MAD1L1: variants seen among roughly 807,000 people sequenced by gnomAD.
MAD1L1 encodes mitotic arrest deficient 1 like 1.
A neutral mutation model predicts 96.9 loss-of-function variants in MAD1L1; 95 were observed. The ratio of observed to expected loss-of-function variants is 0.98; its 90% confidence interval spans 0.83 to 1.16. The LOEUF (loss-of-function observed/expected upper bound fraction) is 1.16, where lower values mean the gene tolerates loss of function less well. Among genes scored for constraint, MAD1L1 ranks in the 50% most tolerant of loss-of-function variants. MAD1L1 has a pLI of 0.00. For synonymous variants in MAD1L1, 473 were observed against 396.6 expected, an observed-to-expected ratio of 1.19 and a Z score of -2.29; for missense variants, 1,007 against 954.4, an observed-to-expected ratio of 1.06 and a Z score of -0.73.
intron 17 of MAD1L1, among the ~76,000 whole-genome samples, chr7:1,912,949 T>C (rs1444791020): frequency 6.6e-6 from 1 of 152,002 alleles, no homozygotes; most frequent in Non-Finnish European, 1.5e-5. Context: ...GCCGCGTTCA[T>C]GATTAATTTC....
chr7:2,021,901 C>T (rs1782804205), intron 12 of MAD1L1, among the ~76,000 whole-genome samples: 1 of 152,106 alleles, frequency 6.6e-6, no homozygotes, highest in South Asian at 2.1e-4. Context: ...AAACTCAGAT[C>T]TATGTGGAAA....
At chr7:1,827,396 C>T (rs930275765) in intron 18 of MAD1L1, among the ~76,000 whole-genome samples, 1 of 152,154 alleles carries the variant, frequency 6.6e-6, no homozygotes, top group African/African-American at 2.4e-5. Flanking sequence ...CTCCCTGAGC[C>T]CCGCCCAGGT....
intron 11 of MAD1L1, among the ~76,000 whole-genome samples, chr7:2,115,336 C>A (rs1787616329): frequency 7.9e-6 from 1 of 126,278 alleles, no homozygotes; most frequent in Non-Finnish European, 1.6e-5. Context: ...CCACGTGTTC[C>A]GGGGTCAGAG....
chr7:2,087,059 A>G (rs932531502), intron 11 of MAD1L1, among the ~76,000 whole-genome samples: 1 of 152,200 alleles, frequency 6.6e-6, no homozygotes, highest in Admixed American at 6.5e-5. Flanking sequence ...ACCTCATGGA[A>G]GCTCTTCTCT....
chr7:2,212,909 A>G (rs1345306041), intron 10 of MAD1L1, among the ~76,000 whole-genome samples: 3 of 152,244 alleles, frequency 2.0e-5, no homozygotes, highest in African/African-American at 7.2e-5. Flanking sequence ...GTATACACCA[A>G]AAAGAGTCCT....
intron 11 of MAD1L1, among the ~76,000 whole-genome samples, chr7:2,113,536 C>T (rs578227933): frequency 2.0e-5 from 3 of 152,276 alleles, no homozygotes; most frequent in African/African-American, 7.2e-5. Context: ...GCCAAGATTA[C>T]ACCACTGCAC....
At chr7:2,070,632 C>A (rs919923827) in intron 11 of MAD1L1, among the ~76,000 whole-genome samples, 1 of 152,252 alleles carries the variant, frequency 6.6e-6, no homozygotes, top group African/African-American at 2.4e-5. Flanking sequence ...GAGCTGCACA[C>A]GACTCTATTG....
At chr7:1,824,774 C>G (rs1328245286) in intron 18 of MAD1L1, among the ~76,000 whole-genome samples, 1 of 152,048 alleles carries the variant, frequency 6.6e-6, no homozygotes, top group African/African-American at 2.4e-5. Flanking sequence ...TTGAGGCTGT[C>G]AGGAAATCAA....
rs751590254 is a variant in MAD1L1, at chr7:2,217,980, G to C, written c.660C>G (p.Asp220Glu). 3.7e-6 allele frequency: 6 copies of C among 1,613,868 alleles called. No individual in the cohort carries two copies. The highest frequency in any genetic ancestry group is 5.1e-6 in the Non-Finnish European group (6 of 1,179,862). ...GACTCACCTTAATCTGCTGCTCGTGGTCTGCTCTTGCTTCTTGGCTGGCCT... is the reference window on the plus strand; with the variant it reads ...GACTCACCTTAATCTGCTGCTCGTGCTCTGCTCTTGCTTCTTGGCTGGCCT... Reference protein sequence around the residue: ...ELQASQEARADHEQQIKDLEQ... With the variant: ...ELQASQEARAEHEQQIKDLEQ... The change falls in exon 7 of 19, where the codon GAC (aspartate) becomes GAG (glutamate). Residue 220 changes from aspartate to glutamate, a missense_variant. Coordinates refer to ENST00000265854, the MANE Select transcript of MAD1L1 (RefSeq NM_001013836.2).
In MAD1L1 at chr7:1,974,616, G is replaced by C. The variant is rs141898393; in HGVS notation, c.1505+5837C>G. ...AATACAGAAGGTAGGACAAAAATAA[G>C]GAAAATAGGATCAAAAAGATTTAAG... On this transcript the variant is annotated intron_variant, in intron 15 of 18. Transcript: ENST00000265854. 7.2e-4 allele frequency among the ~76,000 whole-genome samples: 109 copies of C among 152,218 alleles called. No individual in the cohort carries two copies. The East Asian group carries it at 0.01, about 14-fold the overall frequency.
At chr7:2,085,501 C>T (rs1163812964) in intron 11 of MAD1L1, among the ~76,000 whole-genome samples, 5 of 152,232 alleles carry the variant, frequency 3.3e-5, no homozygotes, top group Admixed American at 2.6e-4. Context: ...CATGAGGCCA[C>T]GGCAGTGTCT....
At chr7:2,178,809 A>T (rs984278662) in intron 10 of MAD1L1, among the ~76,000 whole-genome samples, 2 of 152,008 alleles carry the variant, frequency 1.3e-5, no homozygotes, top group African/African-American at 4.8e-5. Flanking sequence ...AGGCAGGAGA[A>T]TCACCTGAAC....
At chr7:1,883,769 A>G (rs954112580) in intron 18 of MAD1L1, among the ~76,000 whole-genome samples, 2 of 152,176 alleles carry the variant, frequency 1.3e-5, no homozygotes, top group Non-Finnish European at 2.9e-5. Context: ...GCCGTATTAA[A>G]AGGAAGGCAC....
At chr7:1,828,974 A>G (rs1207830602) in intron 18 of MAD1L1, among the ~76,000 whole-genome samples, 1 of 152,242 alleles carries the variant, frequency 6.6e-6, no homozygotes, top group Non-Finnish European at 1.5e-5. Context: ...CGAAAACAGG[A>G]TCAGTGAAGC....
chr7:2,222,756 T>G lies in MAD1L1; in HGVS notation c.292-2A>C. On this transcript the variant is annotated splice_acceptor_variant, in intron 4 of 18. Transcript: ENST00000265854. LOFTEE classifies it high-confidence loss of function. The stretch of plus-strand genomic sequence containing the variant: ...CTCCTGGTTGCGGTCGACCTCACGC[T>G]GTTAAGAGAGCAAGAGTCAGATGCC... 1 of 1,588,976 alleles carries G rather than the reference T, an allele frequency of 6.3e-7. No homozygotes were observed.
Position 2,031,351 on chromosome 7 carries a change from G to A in MAD1L1, c.1219-16709C>T, listed in dbSNP as rs184834644. On this transcript the variant is annotated intron_variant, in intron 12 of 18. Transcript: ENST00000265854. ...CCACCACCCACGTGTAGCTGTGGGG[G>A]AGGGGGAAAAGGGGCTGTTCTGGGC... is the stretch of plus-strand genomic sequence containing the variant. 3.9e-5 allele frequency among the ~76,000 whole-genome samples: 6 copies of A among 152,342 alleles called. No individual in the cohort carries two copies. The East Asian group carries it at 1.2e-3, about 29-fold the overall frequency.
At chr7:1,883,595 A>C (rs112681276) in intron 18 of MAD1L1, among the ~76,000 whole-genome samples, 1 of 152,070 alleles carries the variant, frequency 6.6e-6, no homozygotes, top group South Asian at 2.1e-4. Flanking sequence ...CTGACCTCTC[A>C]TGTCTCCAAC....
chr7:1,978,447 T>G (rs1020700996), intron 15 of MAD1L1, among the ~76,000 whole-genome samples: 1 of 152,202 alleles, frequency 6.6e-6, no homozygotes, highest in Non-Finnish European at 1.5e-5. Context: ...GAGCAGGTGG[T>G]GGGGACGGCC....
chr7:1,891,454 A>C (rs1002814050), intron 18 of MAD1L1, among the ~76,000 whole-genome samples: 2 of 152,174 alleles, frequency 1.3e-5, no homozygotes, highest in Non-Finnish European at 2.9e-5. Flanking sequence ...TGAACCAGGG[A>C]GGCAGAGGTT....
Sources: gnomAD v4.1 joint callset for allele counts (sites outside exome capture counted in the v4.1 genomes callset) on GRCh38, gnomAD v4.1.1 for gene constraint, MANE v1.5 for transcripts, NCBI Gene and HGNC (gene_info 2026-07-23, HGNC 2026-07-21) for gene names.